Variants in LOC114841035 observed in about 807,000 individuals in gnomAD.
the LOC114841035 span, chr11:64,243,568 G>A: frequency 6.4e-7 from 1 of 1,569,008 alleles, no homozygotes; most frequent in Admixed American, 1.7e-5. Flanking sequence ...AGCTGCTTCA[G>A]CTTTTCATTG....
At chr11:64,243,641 G>C in the LOC114841035 span, 6 of 1,220,010 alleles carry the variant, frequency 4.9e-6, no homozygotes, top group African/African-American at 8.9e-5. Context: ...GTCTAGCAGT[G>C]AGTACAGGGC....
At chr11:64,243,726 C>A in the LOC114841035 span, 1 of 1,439,490 alleles carries the variant, frequency 6.9e-7, no homozygotes, top group Non-Finnish European at 9.8e-7. Context: ...TTCCCATCTC[C>A]ATTACCCTTC....
At chr11:64,242,424 TCC>T in the LOC114841035 span, 1 of 1,553,962 alleles carries the variant, frequency 6.4e-7, no homozygotes, top group Non-Finnish European at 8.7e-7. Context: ...GACAGTACTG[TCC>T]ATCTGCCTGA....
chr11:64,241,253 G>C, the LOC114841035 span: 2 of 152,434 alleles, frequency 1.3e-5, no homozygotes, highest in Admixed American at 1.3e-4. Flanking sequence ...CGAGGAAATT[G>C]GGGGTGGGGG....
At chr11:64,241,324 G>A in the LOC114841035 span, 1 of 152,424 alleles carries the variant, frequency 6.6e-6, no homozygotes, top group Non-Finnish European at 1.5e-5. Context: ...GCGGAGTCCT[G>A]GGACTCGGGG....
chr11:64,242,558 G>A, the LOC114841035 span: 36 of 1,536,486 alleles, frequency 2.3e-5, 1 homozygote, highest in South Asian at 4.0e-4. Context: ...TGCACTACAC[G>A]GTGAGTGGGT....
the LOC114841035 span, chr11:64,241,234 G>A: frequency 6.6e-6 from 1 of 152,432 alleles, no homozygotes; most frequent in African/African-American, 2.4e-5. Context: ...GTCAACGAGA[G>A]CTAGGTGACG....
At chr11:64,244,081 C>A in the LOC114841035 span, 1 of 1,544,038 alleles carries the variant, frequency 6.5e-7, no homozygotes, top group Non-Finnish European at 8.9e-7. Flanking sequence ...CCAGACTGTT[C>A]CAAAAAAAAA....
At chr11:64,243,180 CCTT>C in the LOC114841035 span, 6 of 1,610,572 alleles carry the variant, frequency 3.7e-6, no homozygotes, top group Non-Finnish European at 8.5e-7. Flanking sequence ...TCCTCACTGG[CCTT>C]CTCATGGTTC....
At chr11:64,243,288 G>T in the LOC114841035 span, 1 of 1,608,774 alleles carries the variant, frequency 6.2e-7, no homozygotes, top group South Asian at 1.1e-5. Flanking sequence ...AGGTCATCAA[G>T]GGCTGGGACC....
chr11:64,242,560 T>C, the LOC114841035 span: 4 of 1,533,642 alleles, frequency 2.6e-6, no homozygotes, highest in Non-Finnish European at 3.5e-6. Context: ...CACTACACGG[T>C]GAGTGGGTTG....
the LOC114841035 span, chr11:64,243,115 G>C: frequency 8.0e-7 from 1 of 1,253,134 alleles, no homozygotes; most frequent in South Asian, 1.2e-5. Context: ...GGCGTGGGGG[G>C]GCAGCTTGAT....
chr11:64,243,311 G>A, the LOC114841035 span: 1 of 1,602,516 alleles, frequency 6.2e-7, no homozygotes. Flanking sequence ...GGGCTGCTGG[G>A]GTGAGTCATG....
At chr11:64,243,614 C>T in the LOC114841035 span, 1 of 1,373,378 alleles carries the variant, frequency 7.3e-7, no homozygotes, top group Non-Finnish European at 1.0e-6. Flanking sequence ...ATACATGCCT[C>T]CTCCAAGTTT....
chr11:64,242,481 C>A, the LOC114841035 span: 1 of 1,552,742 alleles, frequency 6.4e-7, no homozygotes, highest in Non-Finnish European at 8.6e-7. Context: ...AAGGAAGCTG[C>A]AGATCGGGGT....
chr11:64,242,624 G>A, the LOC114841035 span: 1 of 1,477,466 alleles, frequency 6.8e-7, no homozygotes, highest in East Asian at 2.6e-5. Context: ...GTGCTTGGGA[G>A]TCTGGTTCTC....
chr11:64,243,897 TC>T, the LOC114841035 span: 2 of 1,613,788 alleles, frequency 1.2e-6, no homozygotes, highest in East Asian at 4.5e-5. Flanking sequence ...TTTTGATACC[TC>T]CCATCACCTG....
the LOC114841035 span, chr11:64,243,249 G>T: frequency 6.2e-7 from 1 of 1,613,416 alleles, no homozygotes; most frequent in Non-Finnish European, 8.5e-7. Flanking sequence ...CCCAGAACCA[G>T]CCCTTTGTCT....
the LOC114841035 span, chr11:64,243,990 G>C: frequency 6.2e-7 from 1 of 1,614,104 alleles, no homozygotes; most frequent in South Asian, 1.1e-5. Context: ...TGGTGTTCGA[G>C]GTGGAGCTGC....
Sources: allele counts gnomAD v4.1 joint callset, GRCh38; gene constraint gnomAD v4.1.1; transcripts MANE v1.5.